The following TMEM52B variants were observed in gnomAD, a reference collection of about 807,000 sequenced individuals.
TMEM52B encodes the protein transmembrane protein 52B.
A neutral mutation model predicts 16.1 loss-of-function variants in TMEM52B; 11 were observed. That is an observed-to-expected ratio of 0.68 (90% CI 0.43 to 1.13). The LOEUF (loss-of-function observed/expected upper bound fraction) is 1.13, where lower values mean the gene tolerates loss of function less well. TMEM52B is among the 50% of genes most tolerant of loss of function. The pLI is 0.00. For synonymous variants in TMEM52B, 101 were observed against 93.8 expected (o/e 1.08, Z -0.45); for missense variants, 243 against 230.4 (o/e 1.05, Z -0.35).
In TMEM52B at chr12:10,182,568, G is replaced by A. The variant is rs1045084184; in HGVS notation, c.73G>A (p.Glu25Lys). ...TCTACAGCTTTCTGGGACGAGATGT[G>A]AGGAAAACTGTGGTAATCCTGAACA... ...YFILLSGTRC[E>K]ENCGNPEHCL... The change falls in exon 2 of 5, where the codon GAG becomes AAG. Residue 25 changes from glutamate to lysine, a missense_variant. By Grantham distance (56) the Glu-to-Lys change is moderately conservative (BLOSUM62 1). Coordinates refer to ENST00000543484, the MANE Select transcript of TMEM52B (RefSeq NM_001384896.1). 3.9e-6 allele frequency: 6 copies of A among 1,535,398 alleles called. No individual in the cohort carries two copies. The Admixed American group carries it at 7.9e-5, about 20-fold the overall frequency.
intron 1 of TMEM52B, among the ~76,000 whole-genome samples, chr12:10,171,039 C>T (rs1266073477): frequency 2.0e-5 from 3 of 152,046 alleles, no homozygotes; most frequent in East Asian, 1.9e-4. Context: ...AAATTCAGAC[C>T]CTCAATATTT....
intron 1 of TMEM52B, among the ~76,000 whole-genome samples, chr12:10,180,275 GTT>G (rs3053815): frequency 7.0e-6 from 1 of 143,032 alleles, no homozygotes; most frequent in Admixed American, 7.0e-5. Context: ...TGTATGGTTT[GTT>G]TTTTTTTTTT....
At chr12:10,187,380 G>A (rs897657622) in intron 4 of TMEM52B, among the ~76,000 whole-genome samples, 3 of 149,318 alleles carry the variant, frequency 2.0e-5, no homozygotes, top group African/African-American at 2.5e-5. Context: ...GATTACAGGC[G>A]TGAGCCACCA....
intron 1 of TMEM52B, among the ~76,000 whole-genome samples, chr12:10,181,053 C>T (rs1348882647): frequency 6.6e-6 from 1 of 152,094 alleles, no homozygotes; most frequent in African/African-American, 2.4e-5. Flanking sequence ...GTGATCCACC[C>T]ACCTCGGCCT....
In TMEM52B at chr12:10,189,880, C is replaced by T. The variant is rs756399303; in HGVS notation, c.308-16C>T. 56 of 1,612,514 alleles carry T rather than the reference C, an allele frequency of 3.5e-5. No homozygotes were observed. Among genetic ancestry groups the T allele is most frequent in the Non-Finnish European group, 4.2e-6 (5 of 1,179,716 alleles). On this transcript the variant is annotated splice_polypyrimidine_tract_variant and intron_variant, in intron 4 of 4. Coordinates refer to ENST00000543484, the MANE Select transcript of TMEM52B (RefSeq NM_001384896.1). ...TTTCCCTTAGTTTCTTAGCTCTGTT[C>T]CTTCTTTCTTCACAGCTCTGCAGTC...
intron 3 of TMEM52B, 34 bp downstream of exon 3, chr12:10,185,402 G>A: frequency 3.2e-6 from 5 of 1,544,058 alleles, no homozygotes; most frequent in Non-Finnish European, 4.5e-6. Flanking sequence ...GAAAGACACT[G>A]TATTCCTCAA....
chr12:10,180,854 G>A (rs7313052), intron 1 of TMEM52B, among the ~76,000 whole-genome samples: 70,243 of 151,896 alleles, frequency 0.46, 18,469 homozygotes, highest in Middle Eastern at 0.63. Context: ...TACCCAGGCT[G>A]GAGTGCAGTG....
intron 1 of TMEM52B, among the ~76,000 whole-genome samples, chr12:10,180,943 T>C (rs1948815675): frequency 6.6e-6 from 1 of 152,096 alleles, no homozygotes; most frequent in Non-Finnish European, 1.5e-5. Flanking sequence ...GTAGCAGGGA[T>C]TGCAGGCATG....
chr12:10,188,491 G>GGGAAGGAAGGAA lies in TMEM52B; in HGVS notation c.308-1368_308-1357dup, dbSNP rs56380186. 7.6e-3 allele frequency among the ~76,000 whole-genome samples: 591 copies of GGGAAGGAAGGAA among 78,144 alleles called. 14 individuals carry two copies. Among genetic ancestry groups the GGGAAGGAAGGAA allele is most frequent in the African/African-American group, 0.022 (468 of 21,322 alleles). The allele number at this position is 78,144 out of a possible 152,430, so 51.3% of individuals were successfully genotyped here. ...AAAAGGAAAGAAAGAAAGAGAGAGA[G>GGGAAGGAAGGAA]GGAAGGAAGGAAGGAAGGAAGGAAG... is the stretch of plus-strand genomic sequence containing the variant. On this transcript the variant is annotated intron_variant, in intron 4 of 4. Transcript: ENST00000543484.
Position 10,190,385 on chromosome 12 carries a change from A to G in TMEM52B, c.*245A>G, listed in dbSNP as rs1948944671. ...CAAGTAATCTCTAGCCACACTGATT[A>G]CTACTAAACCAGGAAAGCATCAAGG... On this transcript the variant is annotated 3_prime_UTR_variant, in exon 5 of 5. Coordinates refer to ENST00000543484, the MANE Select transcript of TMEM52B (RefSeq NM_001384896.1). 2.1e-6 allele frequency: 1 copy of G among 474,962 alleles called. No homozygotes were observed. Among genetic ancestry groups the G allele is most frequent in the East Asian group, 3.9e-5 (1 of 25,354 alleles). The allele number at this position is 474,962 out of a possible 1,614,324, so 29.4% of individuals were successfully genotyped here. A position where few individuals can be genotyped will look rare whatever the true frequency, so the allele number is the denominator to read the frequency against.
intron 1 of TMEM52B, chr12:10,171,930 T>G: frequency 8.8e-7 from 1 of 1,141,724 alleles, no homozygotes; most frequent in East Asian, 2.4e-5. Flanking sequence ...CTAATCCCAT[T>G]CTTCGGTGAA....
rs537077573 is a variant in TMEM52B, at chr12:10,190,811, C to T, written c.*671C>T. The T allele has an allele frequency of 3.3e-5, 5 of 153,730 alleles. No individual in the cohort carries two copies. The highest frequency in any genetic ancestry group is 3.4e-3 in the Middle Eastern group (1 of 294). The allele number at this position is 153,730 out of a possible 1,614,324, so 9.5% of individuals were successfully genotyped here. ...AGTTGGATTAATTCTTCAGTTCCTC[C>T]GCACTGCAAACACATATATGTGCGC... On this transcript the variant is annotated 3_prime_UTR_variant, in exon 5 of 5. Coordinates refer to ENST00000543484, the MANE Select transcript of TMEM52B (RefSeq NM_001384896.1).
In TMEM52B at chr12:10,189,989, C is replaced by T. The variant is rs1475081208; in HGVS notation, c.401C>T (p.Thr134Ile). The T allele has an allele frequency of 1.9e-6, 3 of 1,614,072 alleles. No homozygotes were observed. The highest frequency in any genetic ancestry group is 2.7e-5 in the African/African-American group (2 of 74,930). Residue 134 changes from threonine to isoleucine, a missense_variant, in exon 5 of 5, where the codon ACC becomes ATC. Coordinates refer to ENST00000543484, the MANE Select transcript of TMEM52B (RefSeq NM_001384896.1). ...GGCCAGCTGCCCTCCTCTTTGGACA[C>T]CCTCCCAGGGTATGAAGAAGCTCTT... ...SLGQLPSSLD[T>I]LPGYEEALHM...
At chr12:10,180,779 T>C (rs1267144915) in intron 1 of TMEM52B, among the ~76,000 whole-genome samples, 2 of 152,194 alleles carry the variant, frequency 1.3e-5, no homozygotes, top group Non-Finnish European at 2.9e-5. Context: ...ACTTCTAGAA[T>C]TGAGTTTACT....
At chr12:10,189,266 C>T (rs895935625) in intron 4 of TMEM52B, among the ~76,000 whole-genome samples, 1 of 149,560 alleles carries the variant, frequency 6.7e-6, no homozygotes, top group Non-Finnish European at 1.5e-5. Flanking sequence ...TCTATAGTAT[C>T]GGGGGCTGGG....
chr12:10,171,589 T>C (rs1948718202), intron 1 of TMEM52B, among the ~76,000 whole-genome samples: 1 of 152,192 alleles, frequency 6.6e-6, no homozygotes, highest in Non-Finnish European at 1.5e-5. Context: ...CCCTCCGATG[T>C]ATAGAATTCT....
chr12:10,172,322 T>C (rs1948729952), intron 1 of TMEM52B: 2 of 389,612 alleles, frequency 5.1e-6, no homozygotes, highest in Non-Finnish European at 9.4e-6. Flanking sequence ...GATATTTCGC[T>C]AAGTAATTTA....
intron 2 of TMEM52B, among the ~76,000 whole-genome samples, chr12:10,183,855 A>C (rs1333225118): frequency 1.3e-5 from 2 of 152,024 alleles, no homozygotes; most frequent in East Asian, 1.9e-4. Flanking sequence ...TATTGTGAGA[A>C]TATATATTTG....
upstream of TMEM52B, among the ~76,000 whole-genome samples, chr12:10,177,762 G>C (rs1001427988): frequency 5.3e-5 from 7 of 132,082 alleles, no homozygotes; most frequent in African/African-American, 2.0e-4. Context: ...GAGAGACTCT[G>C]TCTCAAATAA....
Sources: allele counts gnomAD v4.1 joint callset (sites outside exome capture counted in the v4.1 genomes callset), GRCh38; gene constraint gnomAD v4.1.1; transcripts MANE v1.5; gene names NCBI Gene and HGNC (gene_info 2026-07-23, HGNC 2026-07-21).